Variants in CRB1 observed in about 807,000 individuals in gnomAD.
The protein encoded by CRB1 is protein crumbs homolog 1.
Under a neutral mutation model 120.0 loss-of-function variants are expected in CRB1, and 83 were observed. The observed-to-expected ratio is 0.69, with a 90% CI of 0.58 to 0.83. The LOEUF (loss-of-function observed/expected upper bound fraction) is 0.83, where lower values mean the gene tolerates loss of function less well. Among genes scored for constraint, CRB1 ranks in the 40% least tolerant of loss-of-function variants. CRB1 has a pLI of 0.00. For missense variants in CRB1, 1,699 were observed against 1,687.6 expected (o/e 1.01, Z -0.12); for synonymous variants, 625 against 612.5 (o/e 1.02, Z -0.30).
chr1:197,233,682 C>T, the CRB1 span, among the ~76,000 whole-genome samples: 1 of 152,178 alleles, frequency 6.6e-6, no homozygotes, highest in African/African-American at 2.4e-5. Context: ...CAAACATGTT[C>T]CTCCTGCCAT....
In CRB1 at chr1:197,292,553, A is replaced by C. The variant is rs565018132; in HGVS notation, c.70+24071A>C. On this transcript the variant is annotated intron_variant, in intron 1 of 11. Transcript: ENST00000367400. ...AAAAAGAGGGAATCCTCCCTAACTC[A>C]TTTTATGAGGCCAGCATCATCCTGA... Among the ~76,000 whole-genome samples, 63 of 152,232 alleles carry C rather than the reference A, an allele frequency of 4.1e-4. No homozygotes were observed. In the South Asian group the frequency reaches 0.013, roughly 31 times the overall value.
the CRB1 span, among the ~76,000 whole-genome samples, chr1:197,257,096 G>A: frequency 6.6e-6 from 1 of 151,938 alleles, no homozygotes; most frequent in Admixed American, 6.6e-5. Flanking sequence ...GGGAGCTAAT[G>A]ATGTAACTCT....
chr1:197,428,871 A>T, intron 7 of CRB1: 1 of 1,207,464 alleles, frequency 8.3e-7, no homozygotes. Flanking sequence ...GGACAAACAC[A>T]GTTCATGCTC....
intron 8 of CRB1, among the ~76,000 whole-genome samples, chr1:197,433,821 G>T (rs960416080): frequency 3.3e-5 from 5 of 152,116 alleles, no homozygotes. Context: ...TGACCTTGGT[G>T]GGAATACAGA....
chr1:197,433,860 G>A (rs1159720166), intron 8 of CRB1, among the ~76,000 whole-genome samples: 9 of 152,086 alleles, frequency 5.9e-5, no homozygotes, highest in Non-Finnish European at 1.2e-4. Flanking sequence ...AGGATAGAAT[G>A]CAGTGTGGAT....
chr1:197,318,757 G>T (rs567067133), intron 1 of CRB1, among the ~76,000 whole-genome samples: 1 of 152,318 alleles, frequency 6.6e-6, no homozygotes, highest in East Asian at 1.9e-4. Context: ...GACAGTGCAT[G>T]ATCTCACTCA....
chr1:197,302,437 C>A (rs1281717045), intron 1 of CRB1, among the ~76,000 whole-genome samples: 1 of 152,060 alleles, frequency 6.6e-6, no homozygotes, highest in Non-Finnish European at 1.5e-5. Context: ...TGCTTTATTA[C>A]AGTAGTCTGG....
chr1:197,363,907 A>C (rs964942101), intron 5 of CRB1: 5 of 1,217,326 alleles, frequency 4.1e-6, no homozygotes, highest in Non-Finnish European at 6.1e-6. Flanking sequence ...CAGAATCCTC[A>C]CTACGGATGG....
intron 5 of CRB1, among the ~76,000 whole-genome samples, chr1:197,377,276 T>C (rs921741265): frequency 1.1e-4 from 17 of 152,250 alleles, no homozygotes; most frequent in Middle Eastern, 6.8e-3. Flanking sequence ...CACCATGAAA[T>C]AGACTTTGAA....
intron 5 of CRB1, among the ~76,000 whole-genome samples, chr1:197,416,887 T>C (rs1484166265): frequency 6.6e-6 from 1 of 152,060 alleles, no homozygotes; most frequent in African/African-American, 2.4e-5. Context: ...TTTTTGTATC[T>C]TTAGTAGAGA....
At chr1:197,428,867 A>G (rs1007624354) in intron 7 of CRB1, 1 of 1,186,562 alleles carries the variant, frequency 8.4e-7, no homozygotes, top group East Asian at 2.6e-5. Flanking sequence ...CCCAGGACAA[A>G]CACAGTTCAT....
Position 197,447,796 on chromosome 1 carries a change from A to G in CRB1, c.4005+5504A>G, listed in dbSNP as rs1194529820. ...CTGAGCCTGGGAAGTCGAGGCTGCC[A>G]TGAGCCATGATGGCACCACTGCACT... On this transcript the variant is annotated intron_variant, in intron 11 of 11. Transcript: ENST00000367400. Among the ~76,000 whole-genome samples, 3 of 150,954 alleles carry G rather than the reference A, an allele frequency of 2.0e-5. No individual in the cohort carries two copies. The East Asian group carries it at 5.9e-4, about 29-fold the overall frequency.
At chr1:197,345,006 T>C (rs770430351) in intron 3 of CRB1, among the ~76,000 whole-genome samples, 2 of 152,214 alleles carry the variant, frequency 1.3e-5, no homozygotes, top group East Asian at 1.9e-4. Context: ...CTGCTTCAAA[T>C]TGAAGTCTAT....
intron 2 of CRB1, among the ~76,000 whole-genome samples, chr1:197,334,943 G>C (rs1430447763): frequency 1.3e-5 from 2 of 152,152 alleles, no homozygotes; most frequent in Non-Finnish European, 2.9e-5. Flanking sequence ...AGGTTAGAGG[G>C]TAATAACTGC....
the CRB1 span, among the ~76,000 whole-genome samples, chr1:197,244,618 T>C: frequency 6.6e-6 from 1 of 152,182 alleles, no homozygotes; most frequent in African/African-American, 2.4e-5. Context: ...TTCAAAACTT[T>C]GTCAATAATT....
rs888670281 is a variant in CRB1 at position 197,312,501 on chromosome 1, G to A, written c.71-15921G>A. Among the ~76,000 whole-genome samples, 11 of 152,328 alleles carry A rather than the reference G, an allele frequency of 7.2e-5. No homozygotes were observed. The East Asian group carries it at 1.9e-3, about 27-fold the overall frequency. ...GGAGGCTGAGGCAGGAGAACTGCCTGAACCCAGGATGGGGAGGTTGCAGTG... is the reference window on the plus strand; with the variant it reads ...GGAGGCTGAGGCAGGAGAACTGCCTAAACCCAGGATGGGGAGGTTGCAGTG... On this transcript the variant is annotated intron_variant, in intron 1 of 11. Coordinates refer to ENST00000367400, the MANE Select transcript of CRB1 (RefSeq NM_201253.3).
chr1:197,211,207 G>A, the CRB1 span, among the ~76,000 whole-genome samples: 37 of 152,124 alleles, frequency 2.4e-4, no homozygotes, highest in East Asian at 3.9e-4. Flanking sequence ...CGTTAAAACC[G>A]TAAAAATTAT....
At chr1:197,244,705 C>T in the CRB1 span, among the ~76,000 whole-genome samples, 1 of 151,814 alleles carries the variant, frequency 6.6e-6, no homozygotes, top group African/African-American at 2.4e-5. Flanking sequence ...ATGTCTTTTT[C>T]CAAATTGTGA....
chr1:197,397,850 AG>A (rs1345732286), intron 5 of CRB1, among the ~76,000 whole-genome samples: 1 of 152,084 alleles, frequency 6.6e-6, no homozygotes, highest in African/African-American at 2.4e-5. Flanking sequence ...ACTGTTTTGG[AG>A]GGGAAGGAAG....
Sources: allele counts gnomAD v4.1 joint callset (sites outside exome capture counted in the v4.1 genomes callset), GRCh38; gene constraint gnomAD v4.1.1; transcripts MANE v1.5; gene names NCBI Gene and HGNC (gene_info 2026-07-23, HGNC 2026-07-21).